Variants in SORCS2 observed in about 807,000 individuals in gnomAD.
The protein encoded by SORCS2 is sortilin related VPS10 domain containing receptor 2, also known as VPS10 domain-containing receptor SorCS2.
A neutral mutation model predicts 141.6 loss-of-function variants in SORCS2; 100 were observed. The ratio of observed to expected loss-of-function variants is 0.71; its 90% CI spans 0.60 to 0.83. The LOEUF (loss-of-function observed/expected upper bound fraction) is 0.83. SORCS2 is among the 40% of genes least tolerant of loss of function. The probability of loss-of-function intolerance (pLI) is 0.00; values close to 1 mark genes in which losing one functional copy is unlikely to be tolerated. For missense variants in SORCS2, 1,646 were observed against 1,560.2 expected, an observed-to-expected ratio of 1.05 and a Z score of -0.93; for synonymous variants, 789 against 676.9, an observed-to-expected ratio of 1.17 and a Z score of -2.57.
chr4:7,524,275 A>G (rs1426783549), intron 2 of SORCS2, among the ~76,000 whole-genome samples: 1 of 152,174 alleles, frequency 6.6e-6, no homozygotes, highest in Non-Finnish European at 1.5e-5. Context: ...TGCAGCCTCA[A>G]TCTCAGGGAC....
rs527704752 is a variant in SORCS2 at position 7,629,854 on chromosome 4, C to A, written c.649-8474C>A. ...CCCAAACCAGTTCTTCCTACTGCAT[C>A]CCCATCTCTGCAACGCGCTGTCGGC... On this transcript the variant is annotated intron_variant, in intron 3 of 26. Coordinates refer to ENST00000507866, the MANE Select transcript of SORCS2 (RefSeq NM_020777.3). Among the ~76,000 whole-genome samples, 23 of 152,224 alleles carry A rather than the reference C, an allele frequency of 1.5e-4. 1 individual carries two copies. In the East Asian group the frequency reaches 4.1e-3, roughly 27 times the overall value.
At chr4:7,705,175 G>C (rs900296530) in intron 14 of SORCS2, among the ~76,000 whole-genome samples, 36 of 152,156 alleles carry the variant, frequency 2.4e-4, no homozygotes, top group African/African-American at 8.2e-4. Flanking sequence ...TGGGGGAGGA[G>C]GCCGGGGAGG....
chr4:7,381,390 G>T (rs1357707928), intron 1 of SORCS2, among the ~76,000 whole-genome samples: 8 of 152,186 alleles, frequency 5.3e-5, no homozygotes, highest in Admixed American at 5.2e-4. Flanking sequence ...AGCACACTGT[G>T]TCCAAAGCCA....
intron 2 of SORCS2, among the ~76,000 whole-genome samples, chr4:7,412,190 C>T (rs1174038964): frequency 6.6e-6 from 1 of 152,200 alleles, no homozygotes; most frequent in Non-Finnish European, 1.5e-5. Context: ...CGGGGCTCAC[C>T]CTGGTGTTGT....
At chr4:7,364,683 TTG>T (rs1318795602) in intron 1 of SORCS2, among the ~76,000 whole-genome samples, 1 of 152,226 alleles carries the variant, frequency 6.6e-6, no homozygotes, top group African/African-American at 2.4e-5. Flanking sequence ...TAACATTGGC[TTG>T]AGCACTTGGC....
chr4:7,669,249 A>G (rs868207630), intron 8 of SORCS2, among the ~76,000 whole-genome samples: 1 of 152,226 alleles, frequency 6.6e-6, no homozygotes, highest in Non-Finnish European at 1.5e-5. Flanking sequence ...TCAAGGGCAT[A>G]CCAGGGAGCC....
chr4:7,394,376 G>A (rs528414671), intron 1 of SORCS2, among the ~76,000 whole-genome samples: 1 of 150,412 alleles, frequency 6.6e-6, no homozygotes, highest in African/African-American at 2.4e-5. Flanking sequence ...TGTGAGCTGT[G>A]TGGGGTTGCA....
intron 6 of SORCS2, among the ~76,000 whole-genome samples, chr4:7,661,865 G>C (rs1027785858): frequency 6.6e-6 from 1 of 152,030 alleles, no homozygotes; most frequent in Non-Finnish European, 1.5e-5. Flanking sequence ...GTGTGGAGGT[G>C]GGGGGCGGGG....
chr4:7,627,137 C>T (rs1379369322), intron 3 of SORCS2, among the ~76,000 whole-genome samples: 3 of 152,116 alleles, frequency 2.0e-5, no homozygotes, highest in Non-Finnish European at 4.4e-5. Flanking sequence ...ACGTGCGTGC[C>T]ACCAAGCCCG....
chr4:7,623,528 G>C (rs1719335196), intron 3 of SORCS2, among the ~76,000 whole-genome samples: 1 of 152,110 alleles, frequency 6.6e-6, no homozygotes, highest in South Asian at 2.1e-4. Context: ...CAATGCCCAA[G>C]GTAGGAGCCG....
At chr4:7,461,481 G>A (rs952108754) in intron 2 of SORCS2, among the ~76,000 whole-genome samples, 4 of 152,350 alleles carry the variant, frequency 2.6e-5, no homozygotes, top group Admixed American at 1.3e-4. Context: ...TAGCACCCCC[G>A]CGAGCAACAT....
chr4:7,344,111 C>G (rs1001036955), intron 1 of SORCS2, among the ~76,000 whole-genome samples: 2 of 152,228 alleles, frequency 1.3e-5, no homozygotes, highest in Admixed American at 6.5e-5. Context: ...TGGAACCTGA[C>G]ACCCTGCTCT....
chr4:7,670,746 C>T (rs1345218353), intron 8 of SORCS2, among the ~76,000 whole-genome samples: 2 of 152,160 alleles, frequency 1.3e-5, no homozygotes, highest in African/African-American at 4.8e-5. Flanking sequence ...CCATCCCCCA[C>T]CCCGGCCCCA....
intron 12 of SORCS2, among the ~76,000 whole-genome samples, chr4:7,700,678 G>A (rs76446006): frequency 2.6e-5 from 4 of 152,146 alleles, no homozygotes; most frequent in Non-Finnish European, 5.9e-5. Context: ...AGAGGATCCC[G>A]GCATGACAAC....
intron 5 of SORCS2, among the ~76,000 whole-genome samples, chr4:7,659,637 G>T (rs1722025173): frequency 6.6e-6 from 1 of 152,238 alleles, no homozygotes; most frequent in Admixed American, 6.5e-5. Context: ...CAGAATTGGT[G>T]CCAGAGTACT....
At chr4:7,406,684 C>G (rs1159120783) in intron 2 of SORCS2, among the ~76,000 whole-genome samples, 3 of 151,718 alleles carry the variant, frequency 2.0e-5, no homozygotes, top group African/African-American at 7.2e-5. Context: ...ACCAACTTTT[C>G]ATTTCATTGA....
Position 7,534,853 on chromosome 4 carries a change from C to T in SORCS2, c.648+3224C>T, listed in dbSNP as rs113834400. Among the ~76,000 whole-genome samples, 833 of 152,348 alleles carry T rather than the reference C, an allele frequency of 5.5e-3. 4 individuals are homozygous for T. Among genetic ancestry groups the T allele is most frequent in the African/African-American group, 0.019 (770 of 41,574 alleles). On this transcript the variant is annotated intron_variant, in intron 3 of 26. Transcript: ENST00000507866. ...AATGAATTTCTATTGCTTCAAGCCACGGAGTGCATGGTGATTTGTTGCAGC... is the reference window on the plus strand; with the variant it reads ...AATGAATTTCTATTGCTTCAAGCCATGGAGTGCATGGTGATTTGTTGCAGC...
chr4:7,428,577 G>T (rs754299782), intron 2 of SORCS2, among the ~76,000 whole-genome samples: 1 of 152,192 alleles, frequency 6.6e-6, no homozygotes, highest in African/African-American at 2.4e-5. Flanking sequence ...GGCCGGAGGT[G>T]ATGCTGGGCA....
chr4:7,312,830 C>T lies in SORCS2; in HGVS notation c.481-83458C>T, dbSNP rs112038229. Among the ~76,000 whole-genome samples the T allele has an allele frequency of 2.6e-5, 4 of 152,338 alleles. No homozygotes were observed. The South Asian group carries it at 8.3e-4, about 32-fold the overall frequency. On this transcript the variant is annotated intron_variant, in intron 1 of 26. Coordinates refer to ENST00000507866, the MANE Select transcript of SORCS2 (RefSeq NM_020777.3). Reference sequence around the variant, plus strand: ...CCTCTGAGCTGGCTGCTCTGCAGGTCAGGGGCCTTTTCTTTGCAACAAGTG... The same window carrying T: ...CCTCTGAGCTGGCTGCTCTGCAGGTTAGGGGCCTTTTCTTTGCAACAAGTG...
Sources: allele counts gnomAD v4.1 joint callset (sites outside exome capture counted in the v4.1 genomes callset), GRCh38; gene constraint gnomAD v4.1.1; transcripts MANE v1.5; gene names NCBI Gene and HGNC (gene_info 2026-07-23, HGNC 2026-07-21).